OTUD7A: variants seen among roughly 807,000 people sequenced by gnomAD.
OTUD7A encodes the protein OTU deubiquitinase 7A.
OTUD7A carries 12 observed loss-of-function variants against 65.7 expected under a neutral mutation model. The ratio of observed to expected loss-of-function variants is 0.18; its 90% CI spans 0.12 to 0.30. The LOEUF (loss-of-function observed/expected upper bound fraction) is 0.30, where lower values mean the gene tolerates loss of function less well. Among genes scored for constraint, OTUD7A ranks in the 10% least tolerant of loss-of-function variants. The pLI is 1.00. For synonymous variants in OTUD7A, 641 were observed against 586.3 expected (o/e 1.09, Z -1.35); for missense variants, 1,148 against 1,304.8 (o/e 0.88, Z 1.85).
chr15:31,677,520 G>C (rs561344252), intron 1 of OTUD7A, among the ~76,000 whole-genome samples: 15 of 152,206 alleles, frequency 9.9e-5, no homozygotes, highest in African/African-American at 3.4e-4. Flanking sequence ...CATGGGGGTG[G>C]TTTCCCCCAT....
chr15:31,483,406 C>A lies in OTUD7A; in HGVS notation c.2690G>T (p.Cys897Phe). ...RGGPGPVQRR[C>F]QRENCAFYGR... Reference sequence around the variant, plus strand: ...GTAGAACGCACAGTTCTCGCGCTGGCAGCGCCGCTGCACCGGCCCCGGGCC... The same window carrying A: ...GTAGAACGCACAGTTCTCGCGCTGGAAGCGCCGCTGCACCGGCCCCGGGCC... The change falls in exon 13 of 13, where the codon TGC (cysteine) becomes TTC (phenylalanine). Residue 897 changes from cysteine (C) to phenylalanine (F), a missense_variant. Cys to Phe is a radical substitution (Grantham distance 205). Transcript: ENST00000307050. 1 of 1,351,134 alleles carries A rather than the reference C, an allele frequency of 7.4e-7. No homozygotes were observed. The highest frequency in any genetic ancestry group is 9.5e-7 in the Non-Finnish European group (1 of 1,050,392). 83.7% of individuals were successfully genotyped at this position (1,351,134 alleles called of 1,614,324 possible). A position where few individuals can be genotyped will look rare whatever the true frequency, so the allele number is the denominator to read the frequency against.
chr15:31,683,829 T>A (rs1892775747), intron 1 of OTUD7A, among the ~76,000 whole-genome samples: 1 of 152,120 alleles, frequency 6.6e-6, no homozygotes, highest in Admixed American at 6.5e-5. Context: ...TAACATATAA[T>A]TTTTAAAAGG....
At chr15:31,634,134 G>A (rs1298148844) in intron 3 of OTUD7A, among the ~76,000 whole-genome samples, 1 of 152,078 alleles carries the variant, frequency 6.6e-6, no homozygotes, top group East Asian at 1.9e-4. Context: ...TCAGACACAG[G>A]GATTCTGCCA....
chr15:31,808,709 C>A (rs1242426019), intron 1 of OTUD7A, among the ~76,000 whole-genome samples: 1 of 152,216 alleles, frequency 6.6e-6, no homozygotes, highest in Non-Finnish European at 1.5e-5. Context: ...CCATCCACAG[C>A]AGCACTCACA....
intron 1 of OTUD7A, among the ~76,000 whole-genome samples, chr15:31,722,224 T>C (rs956074731): frequency 1.4e-4 from 21 of 152,228 alleles, no homozygotes; most frequent in African/African-American, 5.1e-4. Context: ...TGAGCTCTGA[T>C]TGGTATGGAC....
At chr15:31,515,064 G>A (rs1009553214) in intron 8 of OTUD7A, among the ~76,000 whole-genome samples, 2 of 152,116 alleles carry the variant, frequency 1.3e-5, no homozygotes, top group Non-Finnish European at 2.9e-5. Context: ...CGAGTGAATG[G>A]TTGAACAACA....
At chr15:31,797,786 G>A (rs1896010598) in intron 1 of OTUD7A, among the ~76,000 whole-genome samples, 2 of 152,240 alleles carry the variant, frequency 1.3e-5, no homozygotes, top group East Asian at 1.9e-4. Context: ...TGTGTGTGCT[G>A]CTTCTCCGGT....
At chr15:31,500,461 G>A (rs1223415290) in intron 10 of OTUD7A, among the ~76,000 whole-genome samples, 1 of 152,212 alleles carries the variant, frequency 6.6e-6, no homozygotes, top group Non-Finnish European at 1.5e-5. Context: ...TCTGCTCTTG[G>A]GAAGGGGTCT....
rs916291281 is a variant in OTUD7A, at chr15:31,480,647, C to CA, written c.*2646dup. The CA allele has an allele frequency of 4.5e-4, 68 of 152,412 alleles. No homozygotes were observed. The highest frequency in any genetic ancestry group is 1.6e-3 in the African/African-American group (68 of 41,594). The allele number at this position is 152,412 out of a possible 1,614,324, so 9.4% of individuals were successfully genotyped here. On this transcript the variant is annotated 3_prime_UTR_variant, in exon 13 of 13. Transcript: ENST00000307050. ...GGTCTCTGGCCAGGGACGAGGTCTA[C>CA]ACGCCTCTTCTCAAGGAGCATGCTG...
At position 31,866,172 on chromosome 15, in the gene OTUD7A, G is replaced by A. The variant is rs551358581; in HGVS notation, c.-100+4335C>T. 2.6e-5 allele frequency among the ~76,000 whole-genome samples: 4 copies of A among 152,344 alleles called. No individual in the cohort carries two copies. In the South Asian group the frequency reaches 8.3e-4, roughly 32 times the overall value. On this transcript the variant is annotated intron_variant, in intron 1 of 12. Transcript: ENST00000307050. Reference sequence around the variant, plus strand: ...GCAGTAATTGCTAATAGCAAGGACTGGGGTTTTGTGGAATCATGCAATTTT... The same window carrying A: ...GCAGTAATTGCTAATAGCAAGGACTAGGGTTTTGTGGAATCATGCAATTTT...
chr15:31,629,720 T>C (rs1891081553), intron 3 of OTUD7A, among the ~76,000 whole-genome samples: 1 of 152,226 alleles, frequency 6.6e-6, no homozygotes, highest in Admixed American at 6.5e-5. Flanking sequence ...ATCCATCTGG[T>C]CCTGGACGTT....
intron 3 of OTUD7A, among the ~76,000 whole-genome samples, chr15:31,584,297 C>CT (rs1889462073): frequency 6.6e-6 from 1 of 152,222 alleles, no homozygotes; most frequent in Non-Finnish European, 1.5e-5. Flanking sequence ...AATTGAAAGC[C>CT]TTGCTAGACC....
intron 1 of OTUD7A, among the ~76,000 whole-genome samples, chr15:31,857,475 G>A (rs1022574156): frequency 3.3e-5 from 5 of 152,096 alleles, no homozygotes; most frequent in Non-Finnish European, 4.4e-5. Flanking sequence ...GGGTTCTCAC[G>A]CCCTCCCCCT....
chr15:31,630,515 T>C (rs933419852), intron 3 of OTUD7A, among the ~76,000 whole-genome samples: 4 of 152,216 alleles, frequency 2.6e-5, no homozygotes, highest in African/African-American at 7.2e-5. Context: ...CTTCCAACTA[T>C]GTGGTCAATT....
chr15:31,509,571 C>A (rs2041645019), intron 8 of OTUD7A, among the ~76,000 whole-genome samples: 1 of 152,050 alleles, frequency 6.6e-6, no homozygotes, highest in African/African-American at 2.4e-5. Flanking sequence ...AGCCACCACG[C>A]CCAGCCTTGT....
intron 1 of OTUD7A, among the ~76,000 whole-genome samples, chr15:31,694,868 C>T (rs1196433305): frequency 2.7e-5 from 4 of 150,398 alleles, no homozygotes; most frequent in Non-Finnish European, 5.9e-5. Context: ...TTTTTTGAGA[C>T]AGAGTCTTGC....
chr15:31,807,022 C>T (rs578155832), intron 1 of OTUD7A, among the ~76,000 whole-genome samples: 113 of 152,356 alleles, frequency 7.4e-4, no homozygotes, highest in African/African-American at 2.6e-3. Flanking sequence ...CTCTACCACT[C>T]TTCCCTCTCC....
chr15:31,686,845 C>T (rs1476644158), intron 1 of OTUD7A, among the ~76,000 whole-genome samples: 1 of 152,112 alleles, frequency 6.6e-6, no homozygotes, highest in Non-Finnish European at 1.5e-5. Flanking sequence ...TCTGTGAGCA[C>T]CAGCTCTCAT....
intron 3 of OTUD7A, among the ~76,000 whole-genome samples, chr15:31,588,746 C>A (rs546030914): frequency 6.6e-6 from 1 of 152,316 alleles, no homozygotes; most frequent in African/African-American, 2.4e-5. Flanking sequence ...ATCTTCCACA[C>A]GTGGCTTCCA....
Sources: gnomAD v4.1 joint callset for allele counts (sites outside exome capture counted in the v4.1 genomes callset) on GRCh38, gnomAD v4.1.1 for gene constraint, MANE v1.5 for transcripts, NCBI Gene and HGNC (gene_info 2026-07-23, HGNC 2026-07-21) for gene names.